Variants in BLM observed in about 807,000 individuals in gnomAD.
BLM encodes the protein BLM RecQ like helicase.
A neutral mutation model predicts 135.3 loss-of-function variants in BLM; 95 were observed. That is an observed-to-expected ratio of 0.70 (90% confidence interval 0.59 to 0.83). BLM has a LOEUF of 0.83. Among genes scored for constraint, BLM ranks in the 40% least tolerant of loss-of-function variants. BLM has a pLI of 0.00. For synonymous variants in BLM, 520 were observed against 589.2 expected (o/e 0.88, Z 1.70); for missense variants, 1,518 against 1,663.9 (o/e 0.91, Z 1.53).
At chr15:90,792,844 G>T (rs1356695501) in intron 15 of BLM, among the ~76,000 whole-genome samples, 1 of 152,048 alleles carries the variant, frequency 6.6e-6, no homozygotes. Flanking sequence ...TGATTCCAAA[G>T]TCCATGTTCC....
intron 12 of BLM, among the ~76,000 whole-genome samples, chr15:90,771,497 A>C (rs1203144049): frequency 5.9e-5 from 9 of 152,162 alleles, no homozygotes; most frequent in Non-Finnish European, 1.3e-4. Context: ...AAAAACAAAA[A>C]ACAAAAAACA....
At position 90,749,353 on chromosome 15, in the gene BLM, C is replaced by T. The variant is rs1352719297; in HGVS notation, c.99-14C>T. The T allele has an allele frequency of 6.4e-7, 1 of 1,572,510 alleles. No homozygotes were observed. Among genetic ancestry groups the T allele is most frequent in the South Asian group, 1.1e-5 (1 of 89,022 alleles). ...AATGGATCCATCTAATCTAGTTTTT[C>T]CATTATTTTTCAGAGGTTTCACTTT... On this transcript the variant is annotated splice_polypyrimidine_tract_variant and intron_variant, in intron 2 of 21. Transcript: ENST00000355112.
chr15:90,782,805 G>A lies in BLM; in HGVS notation c.2556-17G>A, dbSNP rs779362058. The A allele has an allele frequency of 6.4e-7, 1 of 1,568,012 alleles. No homozygotes were observed. The highest frequency in any genetic ancestry group is 1.7e-5 in the Admixed American group (1 of 59,898). ...TTTTCTCATAATAACTAAATTTTATGTTTGGGACTTTTTTAGGTTTAGCAT... is the reference window on the plus strand; with the variant it reads ...TTTTCTCATAATAACTAAATTTTATATTTGGGACTTTTTTAGGTTTAGCAT... On this transcript the variant is annotated splice_polypyrimidine_tract_variant and intron_variant, in intron 12 of 21. Transcript: ENST00000355112.
intron 20 of BLM, among the ~76,000 whole-genome samples, chr15:90,809,761 A>G (rs532321568): frequency 6.6e-6 from 1 of 152,264 alleles, no homozygotes; most frequent in African/African-American, 2.4e-5. Flanking sequence ...GCCTGAGTGC[A>G]TCATTATCAG....
At chr15:90,786,265 G>T (rs555703077) in intron 14 of BLM, among the ~76,000 whole-genome samples, 4 of 152,102 alleles carry the variant, frequency 2.6e-5, no homozygotes, top group Admixed American at 6.5e-5. Flanking sequence ...TGCGATTATA[G>T]GTGTGAGCCA....
rs886051553 is a variant in BLM at position 90,815,276 on chromosome 15, A to G, written c.4251A>G (p.Ser1417=). 2 of 1,613,788 alleles carry G rather than the reference A, an allele frequency of 1.2e-6. No homozygotes were observed. The highest frequency in any genetic ancestry group is 1.7e-6 in the Non-Finnish European group (2 of 1,179,708). The part of the protein sequence containing the change: ...RPFLKPSYAF[S] ...TTCTTAAGCCTTCATATGCATTCTC[A>G]TAACAACCGAATCTCAATGTACATA... The change falls in exon 22 of 22, where the codon TCA becomes TCG. Residue 1417 remains serine (S), a synonymous_variant. Transcript: ENST00000355112. This position sits in a 1 kb window ranked among gnomAD's most constrained non-coding sequence, Gnocchi z 4.6.
intron 5 of BLM, among the ~76,000 whole-genome samples, chr15:90,757,251 C>G (rs1895844177): frequency 6.6e-6 from 1 of 152,152 alleles, no homozygotes; most frequent in Non-Finnish European, 1.5e-5. Flanking sequence ...CAATGTTTGT[C>G]TGTCCTCACT....
At position 90,815,041 on chromosome 15, in the gene BLM, G is replaced by GGAA. The variant is rs10685387; in HGVS notation, c.4077-59_4077-57dup. 968,712 of 1,533,884 alleles carry GGAA rather than the reference G, an allele frequency of 0.63. 308,944 individuals are homozygous for GGAA. Among genetic ancestry groups the GGAA allele is most frequent in the East Asian group, 0.8 (35,692 of 44,408 alleles). ...TATTGTAGCTCTGTGCAGGTTGAGA[G>GGAA]GAAGGTCATTCATTTTTGGTTTCAT... On this transcript the variant is annotated intron_variant, in intron 21 of 21. Transcript: ENST00000355112. The surrounding 1 kb of genome is among the most constrained non-coding windows in gnomAD (Gnocchi z 4.6).
intron 1 of BLM, among the ~76,000 whole-genome samples, chr15:90,724,823 A>G (rs946113072): frequency 7.2e-5 from 11 of 152,250 alleles, no homozygotes; most frequent in African/African-American, 2.6e-4. Context: ...GTTTTTACGT[A>G]GGCCTCCTTA....
At chr15:90,739,343 G>A (rs913155288) in intron 1 of BLM, among the ~76,000 whole-genome samples, 2 of 152,190 alleles carry the variant, frequency 1.3e-5, no homozygotes, top group Admixed American at 1.3e-4. Context: ...AGAGGTTGCA[G>A]TGAGCTGAGA....
chr15:90,792,394 C>CCGTACCTGGTGTTAAAATTCT (rs1567057406), intron 15 of BLM, among the ~76,000 whole-genome samples: 2 of 152,190 alleles, frequency 1.3e-5, no homozygotes, highest in African/African-American at 4.8e-5. Flanking sequence ...GCGTGAGCCA[C>CCGTACCTGGTGTTAAAATTCT]TATGCCCAGC....
chr15:90,724,548 C>A (rs1894858514), intron 1 of BLM, among the ~76,000 whole-genome samples: 1 of 152,146 alleles, frequency 6.6e-6, no homozygotes, highest in Non-Finnish European at 1.5e-5. Context: ...ATGTTAAGTC[C>A]TCCCTGTCCA....
chr15:90,780,079 G>GCC (rs1896580227), intron 12 of BLM, among the ~76,000 whole-genome samples: 1 of 142,720 alleles, frequency 7.0e-6, no homozygotes, highest in African/African-American at 2.7e-5. Flanking sequence ...CAAGCAGGAT[G>GCC]TCTTTTTTTT....
intron 1 of BLM, among the ~76,000 whole-genome samples, chr15:90,732,382 GGA>G (rs1567027167): frequency 6.6e-6 from 1 of 151,648 alleles, no homozygotes; most frequent in East Asian, 1.9e-4. Flanking sequence ...TAGGTAACAA[GGA>G]AAACATTAGT....
chr15:90,759,105 A>G (rs1895892329), intron 5 of BLM, among the ~76,000 whole-genome samples: 1 of 152,242 alleles, frequency 6.6e-6, no homozygotes, highest in Admixed American at 6.5e-5. Context: ...AATATTATTT[A>G]TTAAATATTA....
At chr15:90,744,691 G>A (rs957383283) in intron 1 of BLM, among the ~76,000 whole-genome samples, 7 of 151,742 alleles carry the variant, frequency 4.6e-5, no homozygotes, top group Non-Finnish European at 1.0e-4. Flanking sequence ...TTTTAAACTG[G>A]ATTCCAAATG....
chr15:90,719,540 A>T (rs1475246974), intron 1 of BLM, among the ~76,000 whole-genome samples: 1 of 152,098 alleles, frequency 6.6e-6, no homozygotes, highest in Non-Finnish European at 1.5e-5. Context: ...GGCTGCAGTT[A>T]GTCAAGATTG....
At chr15:90,728,063 G>A (rs1894963868) in intron 1 of BLM, among the ~76,000 whole-genome samples, 1 of 152,016 alleles carries the variant, frequency 6.6e-6, no homozygotes, top group South Asian at 2.1e-4. Flanking sequence ...TTTGAGACAG[G>A]GTCTTGCTCT....
At chr15:90,777,775 C>G (rs1481145518) in intron 12 of BLM, among the ~76,000 whole-genome samples, 2 of 152,082 alleles carry the variant, frequency 1.3e-5, no homozygotes, top group African/African-American at 4.8e-5. Context: ...ACAACCATCC[C>G]CAATATCTAA....
Sources: allele counts gnomAD v4.1 joint callset (sites outside exome capture counted in the v4.1 genomes callset), GRCh38; gene constraint gnomAD v4.1.1; non-coding constraint Gnocchi (gnomAD v3.1); transcripts MANE v1.5; gene names NCBI Gene and HGNC (gene_info 2026-07-23, HGNC 2026-07-21).